Variants in ZNF81 observed in about 807,000 individuals in gnomAD.
ZNF81 encodes the protein zinc finger protein 81.
Under a neutral mutation model 32.3 loss-of-function variants are expected in ZNF81, and 5 were observed. The observed-to-expected ratio is 0.15, with a 90% CI of 0.08 to 0.33. The LOEUF is 0.33. ZNF81 is among the 10% of genes least tolerant of loss of function. The pLI, the probability that ZNF81 is intolerant of heterozygous loss-of-function variation, is 1.00. For missense variants in ZNF81, 379 were observed against 479.8 expected (o/e 0.79, Z 1.96); for synonymous variants, 163 against 166.8 (o/e 0.98, Z 0.17).
intron 2 of ZNF81, among the ~76,000 whole-genome samples, chrX:47,870,797 A>C (rs2148018602): frequency 8.9e-6 from 1 of 112,552 alleles, no homozygotes; most frequent in African/African-American, 3.2e-5. Context: ...CAAATAGCAC[A>C]TCTCTTTACT....
Position 47,918,333 on chromosome X carries a change from TA to T in ZNF81, c.*1702del, listed in dbSNP as rs1308871034. The T allele has an allele frequency of 7.2e-5, 8 of 111,453 alleles. No individual in the cohort carries two copies. The highest frequency in any genetic ancestry group is 2.6e-4 in the African/African-American group (8 of 30,663). 9.2% of individuals were successfully genotyped at this position (111,453 alleles called of 1,213,427 possible). ...TCATGGTTGTGTCTGTAAGACTCTT[TA>T]TTACAGTGTGTGAAATAGTTCAGTT... is the stretch of plus-strand genomic sequence containing the variant. On this transcript the variant is annotated 3_prime_UTR_variant, in exon 5 of 5. Transcript: ENST00000338637.
chrX:47,862,416 G>A (rs548686695), intron 2 of ZNF81, among the ~76,000 whole-genome samples: 2 of 109,007 alleles, frequency 1.8e-5, no homozygotes, highest in South Asian at 4.0e-4. Context: ...CCAGCTACCC[G>A]GAAGGCTGAG....
At chrX:47,910,979 A>G (rs372079040) in intron 4 of ZNF81, among the ~76,000 whole-genome samples, 1 of 110,600 alleles carries the variant, frequency 9.0e-6, no homozygotes, top group African/African-American at 3.3e-5. Context: ...GTATTTTCTT[A>G]TGCTTGGATT....
chrX:47,903,959 G>C (rs2148038087), intron 4 of ZNF81, among the ~76,000 whole-genome samples: 1 of 109,933 alleles, frequency 9.1e-6, no homozygotes, highest in African/African-American at 3.3e-5. Flanking sequence ...AAGCAATGGG[G>C]AAAGGATTCC....
Position 47,916,141 on chromosome X carries a change from A to G in ZNF81, c.1495A>G (p.Ile499Val), listed in dbSNP as rs182239885. The G allele has an allele frequency of 4.3e-3, 5,204 of 1,210,032 alleles. 22 individuals carry two copies. The highest frequency in any genetic ancestry group is 0.012 in the Middle Eastern group (53 of 4,354). The change falls in exon 5 of 5, where the codon ATA (isoleucine) becomes GTA (valine). Residue 499 changes from isoleucine to valine, a missense_variant. This residue lies in a region of ZNF81 where 102 missense variants were observed against 173.2 expected (regional missense o/e 0.59). Transcript: ENST00000338637. ...KRIHTGEKPY[I>V]CTECGKAFTN... Reference sequence around the variant, plus strand: ...AATTCATACAGGAGAGAAACCCTATATATGCACTGAATGTGGGAAGGCTTT... The same window carrying G: ...AATTCATACAGGAGAGAAACCCTATGTATGCACTGAATGTGGGAAGGCTTT...
chrX:47,849,722 G>A (rs2058486171), intron 2 of ZNF81, among the ~76,000 whole-genome samples: 1 of 110,770 alleles, frequency 9.0e-6, no homozygotes, highest in Non-Finnish European at 1.9e-5. Flanking sequence ...CATAGAGTGG[G>A]AGAAGATATA....
Position 47,864,869 on chromosome X carries a change from G to C in ZNF81, c.54+18548G>C, listed in dbSNP as rs2313521. On this transcript the variant is annotated intron_variant, in intron 2 of 4. Transcript: ENST00000338637. ...TCAGTCTGTAGTCTTCCAAGTGGGA[G>C]ACTGAAAAGCTATGCCATTGGCAAT... Among the ~76,000 whole-genome samples the C allele has an allele frequency of 4.5e-3, 506 of 112,502 alleles. 1 individual carries two copies. The highest frequency in any genetic ancestry group is 0.042 in the Middle Eastern group (9 of 216).
intron 2 of ZNF81, among the ~76,000 whole-genome samples, chrX:47,851,954 C>T (rs1357880298): frequency 8.9e-6 from 1 of 112,107 alleles, no homozygotes; most frequent in Non-Finnish European, 1.9e-5. Flanking sequence ...TCTATATTTT[C>T]CCCACTAACA....
In ZNF81 at chrX:47,925,050, C is replaced by T. The variant is rs1487507709; in HGVS notation, c.*8418C>T. ...TTCATCTCCTAAAAATAAGGACATT[C>T]TCCCACATACCTGGAATATCATTAT... On this transcript the variant is annotated 3_prime_UTR_variant, in exon 5 of 5. Coordinates refer to ENST00000338637, the MANE Select transcript of ZNF81 (RefSeq NM_007137.5). 1.8e-5 allele frequency among the ~76,000 whole-genome samples: 2 copies of T among 111,362 alleles called. No individual in the cohort carries two copies. The highest frequency in any genetic ancestry group is 1.9e-5 in the Non-Finnish European group (1 of 53,019).
At position 47,888,038 on chromosome X, in the gene ZNF81, A is replaced by G; in HGVS notation, c.94A>G (p.Arg32Gly). 2 of 1,211,304 alleles carry G rather than the reference A, an allele frequency of 1.7e-6. No individual in the cohort carries two copies. The highest frequency in any genetic ancestry group is 2.2e-6 in the Non-Finnish European group (2 of 895,350). Residue 32 changes from arginine to glycine, a missense_variant, in exon 3 of 5, where the codon AGA becomes GGA. By Grantham distance (125) the Arg-to-Gly change is moderately radical (BLOSUM62 -2). This residue lies in a region of ZNF81 where 277 missense variants were observed against 306.6 expected (regional missense o/e 0.90). Transcript: ENST00000338637. The part of the protein sequence containing the change: ...SFEDVTVDFS[R>G]EEWQQLDSTQ... ...TGAGGATGTGACTGTGGACTTCAGT[A>G]GAGAGGAGTGGCAGCAACTGGACTC... is the stretch of plus-strand genomic sequence containing the variant.
At chrX:47,887,926 G>C in intron 2 of ZNF81, 73 bp from the exon 3 acceptor site, 5 of 1,183,802 alleles carry the variant, frequency 4.2e-6, no homozygotes, top group Non-Finnish European at 5.7e-6. Context: ...GTATCAAAAA[G>C]AGCTTCCTAT....
intron 2 of ZNF81, among the ~76,000 whole-genome samples, chrX:47,883,721 A>G (rs1381483992): frequency 8.9e-6 from 1 of 112,006 alleles, no homozygotes; most frequent in African/African-American, 3.2e-5. Context: ...CTTTTGTAAT[A>G]TAAGTGTTTA....
intron 2 of ZNF81, among the ~76,000 whole-genome samples, chrX:47,869,492 A>G (rs1432627230): frequency 1.3e-4 from 15 of 111,811 alleles, no homozygotes; most frequent in African/African-American, 4.9e-4. Context: ...AATCAAAATA[A>G]GCCTATTAAG....
intron 4 of ZNF81, among the ~76,000 whole-genome samples, chrX:47,904,270 C>CA (rs2058711303): frequency 2.7e-5 from 3 of 109,661 alleles, no homozygotes; most frequent in Non-Finnish European, 5.7e-5. Context: ...CATGAGTGAA[C>CA]AGGCAACCTA....
chrX:47,912,155 C>A (rs1294839747), intron 4 of ZNF81, among the ~76,000 whole-genome samples: 1 of 109,707 alleles, frequency 9.1e-6, no homozygotes, highest in Non-Finnish European at 1.9e-5. Flanking sequence ...TCTGGTACAG[C>A]AAGGGATTTA....
chrX:47,906,747 G>T, intron 4 of ZNF81, among the ~76,000 whole-genome samples: 1 of 112,011 alleles, frequency 8.9e-6, no homozygotes, highest in Non-Finnish European at 1.9e-5. Context: ...GAACCCAGGA[G>T]TGGAGGTTGC....
intron 2 of ZNF81, among the ~76,000 whole-genome samples, chrX:47,880,697 A>T (rs2058617412): frequency 1.8e-5 from 2 of 112,287 alleles, no homozygotes; most frequent in Admixed American, 1.9e-4. Flanking sequence ...ACTGTTACTT[A>T]AAAGAATTCA....
intron 1 of ZNF81, chrX:47,841,639 C>T: frequency 9.1e-7 from 1 of 1,093,595 alleles, no homozygotes; most frequent in Non-Finnish European, 1.2e-6. Context: ...CTTGATAAAC[C>T]TTCCTCTTTT....
Position 47,919,508 on chromosome X carries a change from G to A in ZNF81, c.*2876G>A, listed in dbSNP as rs1342964180. 1 of 158,991 alleles carries A rather than the reference G, an allele frequency of 6.3e-6. No homozygotes were observed. The highest frequency in any genetic ancestry group is 1.2e-5 in the Non-Finnish European group (1 of 82,083). The allele number at this position is 158,991 out of a possible 1,213,427, so 13.1% of individuals were successfully genotyped here. A position where few individuals can be genotyped will look rare whatever the true frequency, so the allele number is the denominator to read the frequency against. On this transcript the variant is annotated 3_prime_UTR_variant, in exon 5 of 5. Transcript: ENST00000338637. ...TTACCCTTTGTCTTAGTCAGTTTGA[G>A]CTGCTATAATAAAGCACCATAGACT...
Sources: allele counts gnomAD v4.1 joint callset (sites outside exome capture counted in the v4.1 genomes callset), GRCh38; gene constraint gnomAD v4.1.1; regional missense constraint gnomAD v4.1.1; transcripts MANE v1.5; gene names NCBI Gene and HGNC (gene_info 2026-07-23, HGNC 2026-07-21).